The following TMTC1 variants were observed in gnomAD, a reference collection of about 807,000 sequenced individuals.
The protein encoded by TMTC1 is protein O-mannosyl-transferase TMTC1.
TMTC1 carries 73 observed loss-of-function variants against 104.8 expected under a neutral mutation model. The ratio of observed to expected loss-of-function variants is 0.70; its 90% CI spans 0.58 to 0.85. The LOEUF (loss-of-function observed/expected upper bound fraction) is 0.85. Ranked by LOEUF, TMTC1 falls within the 40% of genes least tolerant of loss-of-function variation. TMTC1 has a pLI of 0.00. For missense variants in TMTC1, 1,035 were observed against 1,096.1 expected (o/e 0.94, Z 0.79); for synonymous variants, 434 against 428.7 (o/e 1.01, Z -0.15).
chr12:29,570,162 T>C (rs946662796), intron 9 of TMTC1, among the ~76,000 whole-genome samples: 16 of 151,858 alleles, frequency 1.1e-4, no homozygotes, highest in African/African-American at 3.4e-4. Flanking sequence ...AAGAATGCCA[T>C]CTAAAATTGA....
At chr12:29,737,346 C>A (rs1385469725) in intron 5 of TMTC1, among the ~76,000 whole-genome samples, 8 of 152,118 alleles carry the variant, frequency 5.3e-5, no homozygotes, top group Non-Finnish European at 8.8e-5. Context: ...TGGAGAAACC[C>A]CGTCTCTACT....
intron 5 of TMTC1, among the ~76,000 whole-genome samples, chr12:29,745,095 T>A (rs1294316349): frequency 1.3e-5 from 2 of 151,956 alleles, no homozygotes; most frequent in African/African-American, 4.8e-5. Flanking sequence ...CCAACTTTAA[T>A]TTTTTTTATT....
intron 6 of TMTC1, among the ~76,000 whole-genome samples, chr12:29,608,067 C>T (rs7134105): frequency 0.016 from 2,419 of 152,178 alleles, 56 homozygotes; most frequent in African/African-American, 0.054. Flanking sequence ...GATGACAATA[C>T]GCTTTGTCTT....
chr12:29,595,094 C>T (rs1946373380), intron 7 of TMTC1, among the ~76,000 whole-genome samples: 2 of 152,222 alleles, frequency 1.3e-5, no homozygotes, highest in African/African-American at 4.8e-5. Flanking sequence ...TCAGTCTCAT[C>T]TGAATCCAAA....
chr12:29,776,261 G>A lies in TMTC1; in HGVS notation c.302+7189C>T, dbSNP rs775667428. 8.2e-4 allele frequency among the ~76,000 whole-genome samples: 125 copies of A among 152,182 alleles called. 1 individual carries two copies. Among genetic ancestry groups the A allele is most frequent in the Non-Finnish European group, 5.9e-4 (40 of 67,998 alleles). ...CCTAAGAAGAGTAAGATCCAAAAGC[G>A]CTACAGATCTTCATTCTCTACACAG... On this transcript the variant is annotated intron_variant, in intron 1 of 17. Coordinates refer to ENST00000539277, the MANE Select transcript of TMTC1 (RefSeq NM_001193451.2).
rs988586118 is a variant in TMTC1, at chr12:29,501,618, T to C, written c.*5228A>G. On this transcript the variant is annotated 3_prime_UTR_variant, in exon 18 of 18. Coordinates refer to ENST00000539277, the MANE Select transcript of TMTC1 (RefSeq NM_001193451.2). ...ACATACTGAAAACTACCAAATTTGT[T>C]ACATATATATATATACAACGTGTAC... 6.6e-6 allele frequency: 1 copy of C among 152,054 alleles called. No individual in the cohort carries two copies. Among genetic ancestry groups the C allele is most frequent in the Non-Finnish European group, 1.5e-5 (1 of 68,018 alleles). 9.4% of individuals were successfully genotyped at this position (152,054 alleles called of 1,614,324 possible). A position where few individuals can be genotyped will look rare whatever the true frequency, so the allele number is the denominator to read the frequency against.
intron 5 of TMTC1, among the ~76,000 whole-genome samples, chr12:29,687,448 T>A (rs1160654286): frequency 6.6e-6 from 1 of 152,226 alleles, no homozygotes; most frequent in Non-Finnish European, 1.5e-5. Flanking sequence ...GAAGAAAGAC[T>A]GATAAACTCT....
Position 29,783,419 on chromosome 12 carries a change from AGCG to A in TMTC1, c.302+28_302+30del. On this transcript the variant is annotated intron_variant, in intron 1 of 17. Coordinates refer to ENST00000539277, the MANE Select transcript of TMTC1 (RefSeq NM_001193451.2). This position sits in a 1 kb window ranked among gnomAD's most constrained non-coding sequence, Gnocchi z 4.7. ...GGGACGGGCGGAGGGTAGAGGAGGC[AGCG>A]GCGGCTAGCGCGAGGTGAGGGACTC... is the stretch of plus-strand genomic sequence containing the variant. 7.8e-7 allele frequency: 1 copy of A among 1,284,390 alleles called. No individual in the cohort carries two copies. The highest frequency in any genetic ancestry group is 9.9e-7 in the Non-Finnish European group (1 of 1,012,610). The allele number at this position is 1,284,390 out of a possible 1,614,324, so 79.6% of individuals were successfully genotyped here. A position where few individuals can be genotyped will look rare whatever the true frequency, so the allele number is the denominator to read the frequency against.
intron 13 of TMTC1, among the ~76,000 whole-genome samples, chr12:29,517,785 G>A (rs1363648301): frequency 1.3e-5 from 2 of 151,752 alleles, no homozygotes; most frequent in African/African-American, 4.8e-5. Context: ...GCACAATCTT[G>A]GCTCATGCAA....
chr12:29,748,719 C>T (rs1409083902), intron 5 of TMTC1, among the ~76,000 whole-genome samples: 2 of 152,170 alleles, frequency 1.3e-5, no homozygotes, highest in Non-Finnish European at 2.9e-5. Flanking sequence ...AAGTTTTCTT[C>T]CCCCTACTGA....
At chr12:29,649,388 C>T (rs1006468858) in intron 5 of TMTC1, among the ~76,000 whole-genome samples, 1 of 152,154 alleles carries the variant, frequency 6.6e-6, no homozygotes, top group Admixed American at 6.5e-5. Context: ...TTGTGACTAA[C>T]ATAAATACAG....
At chr12:29,548,955 G>A (rs299469) in intron 10 of TMTC1, among the ~76,000 whole-genome samples, 78,173 of 141,454 alleles carry the variant, frequency 0.55, 24,091 homozygotes, top group Non-Finnish European at 0.68. Context: ...TAATATGTAT[G>A]ACATATTTAA....
chr12:29,777,456 G>C (rs1943738043), intron 1 of TMTC1, among the ~76,000 whole-genome samples: 3 of 152,182 alleles, frequency 2.0e-5, no homozygotes, highest in Admixed American at 6.5e-5. Context: ...TATGAATGTA[G>C]CTCCAAAGAA....
At chr12:29,571,954 A>T (rs1482825749) in intron 9 of TMTC1, 151 bp downstream of exon 9, 3 of 591,276 alleles carry the variant, frequency 5.1e-6, no homozygotes, top group Non-Finnish European at 9.0e-6. Context: ...GAGCCAAAAG[A>T]CTCAGAGTCC....
chr12:29,783,721 C>A lies in TMTC1; in HGVS notation c.31G>T (p.Gly11Cys). The A allele has an allele frequency of 4.9e-6, 6 of 1,212,948 alleles. No homozygotes were observed. The highest frequency in any genetic ancestry group is 6.1e-6 in the Non-Finnish European group (6 of 980,332). 75.1% of individuals were successfully genotyped at this position (1,212,948 alleles called of 1,614,324 possible). A position where few individuals can be genotyped will look rare whatever the true frequency, so the allele number is the denominator to read the frequency against. ...CGCCGGGAGGGTGTGCGGTCCCCGC[C>A]GCCGCCTCGGGCAGAGGTGGTCACC... is the stretch of plus-strand genomic sequence containing the variant. MVVTTSARGG[G>C]GDRTPSRRRG... Residue 11 changes from glycine to cysteine, a missense_variant, in exon 1 of 18, where the codon GGC (glycine) becomes TGC (cysteine). By Grantham distance (159) the Gly-to-Cys change is radical. Coordinates refer to ENST00000539277, the MANE Select transcript of TMTC1 (RefSeq NM_001193451.2). This position sits in a 1 kb window ranked among gnomAD's most constrained non-coding sequence, Gnocchi z 4.7.
At chr12:29,621,142 GA>G (rs1937652106) in intron 6 of TMTC1, among the ~76,000 whole-genome samples, 1 of 152,106 alleles carries the variant, frequency 6.6e-6, no homozygotes, top group African/African-American at 2.4e-5. Flanking sequence ...TAGGCCAGAG[GA>G]AAAAAGAAAA....
intron 2 of TMTC1, among the ~76,000 whole-genome samples, chr12:29,765,175 T>TAAA (rs1943435034): frequency 6.6e-6 from 1 of 152,330 alleles, no homozygotes; most frequent in Non-Finnish European, 1.5e-5. Context: ...AAAAGAACAT[T>TAAA]AAAAACTTAA....
At chr12:29,715,261 A>G (rs980507420) in intron 5 of TMTC1, among the ~76,000 whole-genome samples, 12 of 152,190 alleles carry the variant, frequency 7.9e-5, no homozygotes, top group African/African-American at 2.4e-4. Flanking sequence ...TTTTTGGCAC[A>G]TAATCCAAAA....
At chr12:29,772,473 C>T (rs1218488979) in intron 1 of TMTC1, among the ~76,000 whole-genome samples, 1 of 152,120 alleles carries the variant, frequency 6.6e-6, no homozygotes, top group African/African-American at 2.4e-5. Flanking sequence ...TGGGAGAAAG[C>T]ATATTTCTGG....
Sources: gnomAD v4.1 joint callset for allele counts (sites outside exome capture counted in the v4.1 genomes callset) on GRCh38, gnomAD v4.1.1 for gene constraint, Gnocchi (gnomAD v3.1) non-coding constraint, MANE v1.5 for transcripts, NCBI Gene and HGNC (gene_info 2026-07-23, HGNC 2026-07-21) for gene names.